Variants in YAP1 observed in about 807,000 individuals in gnomAD.
The protein encoded by YAP1 is Yes1 associated transcriptional regulator, also known as transcriptional coactivator YAP1.
A neutral mutation model predicts 56.9 loss-of-function variants in YAP1; 5 were observed. The ratio of observed to expected loss-of-function variants is 0.09; its 90% CI spans 0.05 to 0.18. YAP1 has a LOEUF of 0.18. Ranked by LOEUF, YAP1 falls within the 10% of genes least tolerant of loss-of-function variation. The probability of loss-of-function intolerance (pLI) is 1.00; values close to 1 mark genes in which losing one functional copy is unlikely to be tolerated. For missense variants in YAP1, 539 were observed against 651.8 expected (o/e 0.83, Z 1.88); for synonymous variants, 265 against 248.1 (o/e 1.07, Z -0.64).
At chr11:102,123,942 T>TC (rs1943866219) in intron 2 of YAP1, among the ~76,000 whole-genome samples, 1 of 150,304 alleles carries the variant, frequency 6.7e-6, no homozygotes. Context: ...ATTTTCTTTT[T>TC]CTTTTTTTTT....
chr11:102,136,747 G>T (rs1188900958), intron 2 of YAP1, among the ~76,000 whole-genome samples: 1 of 152,020 alleles, frequency 6.6e-6, no homozygotes, highest in East Asian at 1.9e-4. Flanking sequence ...TTCTCAGATG[G>T]ATATCCAGTT....
In YAP1 at chr11:102,110,993, C is replaced by G; in HGVS notation, c.145C>G (p.Pro49Ala). 4 of 1,559,504 alleles carry G rather than the reference C, an allele frequency of 2.6e-6. No individual in the cohort carries two copies. Among genetic ancestry groups the G allele is most frequent in the South Asian group, 1.2e-5 (1 of 86,384 alleles). Residue 49 changes from proline to alanine, a missense_variant, in exon 1 of 9, where the codon CCC (proline) becomes GCC (alanine). Pro to Ala is a conservative substitution (Grantham distance 27, BLOSUM62 -1). Around this residue, in one of 4 missense-constraint regions of YAP1, gnomAD observed 106 missense variants for 86.6 expected, o/e 1.22. Coordinates refer to ENST00000282441, the MANE Select transcript of YAP1 (RefSeq NM_001130145.3). ...GACCCAGGCGGCGCCGCAGGCACCCCCCGCCGGGCATCAGATCGTGCACGT... is the reference window on the plus strand; with the variant it reads ...GACCCAGGCGGCGCCGCAGGCACCCGCCGCCGGGCATCAGATCGTGCACGT... ...AATQAAPQAP[P>A]AGHQIVHVRG...
At chr11:102,127,811 A>T (rs1339916502) in intron 2 of YAP1, among the ~76,000 whole-genome samples, 1 of 151,932 alleles carries the variant, frequency 6.6e-6, no homozygotes, top group Non-Finnish European at 1.5e-5. Context: ...ACCCTGTAAA[A>T]CCACAGGGGC....
Position 102,187,639 on chromosome 11 carries a change from C to T in YAP1, c.802+1508C>T, listed in dbSNP as rs567397687. ...TAAGGTTATGAAAGATGATGACGAACGCTTTACCAACTGCAGAGATCAGGA... is the reference window on the plus strand; with the variant it reads ...TAAGGTTATGAAAGATGATGACGAATGCTTTACCAACTGCAGAGATCAGGA... On this transcript the variant is annotated intron_variant, in intron 4 of 8. Transcript: ENST00000282441. Among the ~76,000 whole-genome samples the T allele has an allele frequency of 1.2e-4, 19 of 152,150 alleles. 1 individual carries two copies. Among genetic ancestry groups the T allele is most frequent in the Middle Eastern group, 6.8e-3 (2 of 294 alleles).
chr11:102,168,540 A>G (rs1443028545), intron 3 of YAP1, among the ~76,000 whole-genome samples: 1 of 152,236 alleles, frequency 6.6e-6, no homozygotes, highest in Admixed American at 6.5e-5. Flanking sequence ...TCCCAACTCT[A>G]CCAATGTAGC....
intron 4 of YAP1, among the ~76,000 whole-genome samples, chr11:102,191,332 C>T (rs752928365): frequency 1.2e-4 from 18 of 151,868 alleles, no homozygotes; most frequent in Admixed American, 1.1e-3. Flanking sequence ...ACCACACAGC[C>T]ATTACGATTC....
intron 2 of YAP1, among the ~76,000 whole-genome samples, chr11:102,125,378 CTTTTT>C (rs141361882): frequency 8.7e-6 from 1 of 115,318 alleles, no homozygotes; most frequent in Non-Finnish European, 1.8e-5. Context: ...CTTTTCTTTT[CTTTTT>C]TTTTTTTTTT....
chr11:102,118,395 T>G (rs1943430206), intron 2 of YAP1, among the ~76,000 whole-genome samples: 1 of 152,042 alleles, frequency 6.6e-6, no homozygotes, highest in African/African-American at 2.4e-5. Flanking sequence ...ACTACCCATA[T>G]TCCTATATTA....
chr11:102,131,056 G>T (rs186886318), intron 2 of YAP1, among the ~76,000 whole-genome samples: 1 of 152,154 alleles, frequency 6.6e-6, no homozygotes, highest in Non-Finnish European at 1.5e-5. Flanking sequence ...TCATACTGCA[G>T]ATAAGAATTT....
chr11:102,196,526 A>G (rs1159172474), intron 4 of YAP1, among the ~76,000 whole-genome samples: 5 of 152,128 alleles, frequency 3.3e-5, no homozygotes, highest in African/African-American at 1.2e-4. Flanking sequence ...ATTCATAGAG[A>G]CAGAAGTAGA....
At chr11:102,112,644 T>G in intron 1 of YAP1, 3 of 985,264 alleles carry the variant, frequency 3.0e-6, no homozygotes, top group Non-Finnish European at 3.6e-6. Context: ...GTTTTGGAAC[T>G]CAGAAAAAAT....
At chr11:102,187,670 A>G (rs765572172) in intron 4 of YAP1, among the ~76,000 whole-genome samples, 7 of 152,206 alleles carry the variant, frequency 4.6e-5, no homozygotes, top group South Asian at 4.1e-4. Flanking sequence ...CAGGAAGAAC[A>G]AAGCTTTTTA....
At chr11:102,117,131 T>C (rs1428077273) in intron 2 of YAP1, among the ~76,000 whole-genome samples, 1 of 152,192 alleles carries the variant, frequency 6.6e-6, no homozygotes, top group Non-Finnish European at 1.5e-5. Context: ...TCCTAACCAT[T>C]AGTCAAAGAT....
rs572674023 is a variant in YAP1, at chr11:102,127,011, C to T, written c.572+12617C>T. Among the ~76,000 whole-genome samples the T allele has an allele frequency of 2.6e-5, 4 of 152,152 alleles. No individual in the cohort carries two copies. The East Asian group carries it at 7.7e-4, about 29-fold the overall frequency. ...TGAAAGAGATGATTTAGGTATCTGG[C>T]CAAAGAAATTTCTAAGCAGCAAAGC... On this transcript the variant is annotated intron_variant, in intron 2 of 8. Coordinates refer to ENST00000282441, the MANE Select transcript of YAP1 (RefSeq NM_001130145.3).
At chr11:102,220,697 A>C (rs1363593507) in intron 6 of YAP1, among the ~76,000 whole-genome samples, 2 of 152,188 alleles carry the variant, frequency 1.3e-5, no homozygotes. Context: ...AGTGGACATG[A>C]GTCTATGCAG....
In YAP1 at chr11:102,197,526, G is replaced by GA. The variant is rs547269457; in HGVS notation, c.803-8366dup. On this transcript the variant is annotated intron_variant, in intron 4 of 8. Transcript: ENST00000282441. ...AACTTGGGGAAAAAAAACCTATGGT[G>GA]ATGACCCCTTTCTTTTATTTTTGAG... is the stretch of plus-strand genomic sequence containing the variant. Among the ~76,000 whole-genome samples, 20 of 152,192 alleles carry GA rather than the reference G, an allele frequency of 1.3e-4. 1 individual carries two copies. In the South Asian group the frequency reaches 4.1e-3, roughly 32 times the overall value.
chr11:102,140,657 A>G (rs995629189), intron 2 of YAP1, among the ~76,000 whole-genome samples: 1 of 152,150 alleles, frequency 6.6e-6, no homozygotes, highest in Non-Finnish European at 1.5e-5. Flanking sequence ...AGCCTGGCCA[A>G]CATGGTGAAA....
intron 4 of YAP1, 67 bp downstream of exon 4, chr11:102,186,198 G>A (rs912818180): frequency 1.9e-5 from 29 of 1,521,234 alleles, no homozygotes; most frequent in Middle Eastern, 1.7e-4. Context: ...AATATACTTC[G>A]GAAAGCACAT....
rs1942835598 is a variant in YAP1, at chr11:102,110,689, T to A, written c.-160T>A. On this transcript the variant is annotated 5_prime_UTR_variant, in exon 1 of 9. It removes an upstream start codon present in the reference 5' UTR. Coordinates refer to ENST00000282441, the MANE Select transcript of YAP1 (RefSeq NM_001130145.3). ...GGGGCGGAGGCGCCGGGGCGGGGGA[T>A]GCGGGGCCGCGGCGCAGCCCCCCGG... is the stretch of plus-strand genomic sequence containing the variant. The A allele has an allele frequency of 7.7e-6, 4 of 519,798 alleles. No individual in the cohort carries two copies. Among genetic ancestry groups the A allele is most frequent in the Admixed American group, 5.2e-5 (1 of 19,264 alleles). 32.2% of individuals were successfully genotyped at this position (519,798 alleles called of 1,614,324 possible).
Sources: allele counts gnomAD v4.1 joint callset (sites outside exome capture counted in the v4.1 genomes callset), GRCh38; gene constraint gnomAD v4.1.1; regional missense constraint gnomAD v4.1.1; transcripts MANE v1.5; gene names NCBI Gene and HGNC (gene_info 2026-07-23, HGNC 2026-07-21).